ASTN1: variants seen among roughly 807,000 people sequenced by gnomAD.
The protein encoded by ASTN1 is astrotactin 1, also known as astrotactin-1.
Under a neutral mutation model 140.7 loss-of-function variants are expected in ASTN1, and 41 were observed. The observed-to-expected ratio is 0.29, with a 90% CI of 0.23 to 0.38. The LOEUF is 0.38. Among genes scored for constraint, ASTN1 ranks in the 10% least tolerant of loss-of-function variants. The pLI, the probability that ASTN1 is intolerant of heterozygous loss-of-function variation, is 1.00. For missense variants in ASTN1, 1,479 were observed against 1,678.8 expected, an observed-to-expected ratio of 0.88 and a Z score of 2.08; for synonymous variants, 640 against 652.2, an observed-to-expected ratio of 0.98 and a Z score of 0.29.
chr1:177,146,867 T>G (rs1682742396), intron 1 of ASTN1, among the ~76,000 whole-genome samples: 1 of 152,184 alleles, frequency 6.6e-6, no homozygotes, highest in African/African-American at 2.4e-5. Flanking sequence ...AAGTCAATAG[T>G]TCAGCCTGCA....
intron 1 of ASTN1, among the ~76,000 whole-genome samples, chr1:177,074,782 G>T (rs1571744941): frequency 1.3e-5 from 2 of 152,238 alleles, no homozygotes; most frequent in South Asian, 4.1e-4. Flanking sequence ...CTGATTTGTG[G>T]TATTCTCAGT....
chr1:176,899,487 G>A (rs1287111192), intron 16 of ASTN1, among the ~76,000 whole-genome samples: 1 of 152,190 alleles, frequency 6.6e-6, no homozygotes, highest in Non-Finnish European at 1.5e-5. Context: ...TGCTGCCCAA[G>A]GCAATGAGAT....
intron 2 of ASTN1, among the ~76,000 whole-genome samples, chr1:177,060,321 C>A (rs1399725473): frequency 6.6e-6 from 1 of 152,124 alleles, no homozygotes; most frequent in African/African-American, 2.4e-5. Context: ...ACCCACATGC[C>A]CTCTATTGTA....
intron 1 of ASTN1, among the ~76,000 whole-genome samples, chr1:177,109,429 C>T (rs891720302): frequency 6.6e-6 from 1 of 152,134 alleles, no homozygotes; most frequent in Admixed American, 6.5e-5. Context: ...CTTACACACA[C>T]ACACACATAC....
intron 8 of ASTN1, among the ~76,000 whole-genome samples, chr1:176,980,890 T>G (rs1218007741): frequency 6.6e-6 from 1 of 152,046 alleles, no homozygotes; most frequent in East Asian, 1.9e-4. Context: ...TACTGAGGGT[T>G]TATTATGCGC....
chr1:177,139,644 T>C (rs1682371280), intron 1 of ASTN1, among the ~76,000 whole-genome samples: 1 of 152,164 alleles, frequency 6.6e-6, no homozygotes, highest in East Asian at 1.9e-4. Context: ...ATTTATCTGA[T>C]AGTAAGTATT....
chr1:176,936,999 A>G (rs1422916179), intron 14 of ASTN1, among the ~76,000 whole-genome samples: 1 of 152,234 alleles, frequency 6.6e-6, no homozygotes, highest in East Asian at 1.9e-4. Flanking sequence ...CTTCAAAAAA[A>G]GATAAGGTCC....
chr1:177,043,247 C>T (rs1476632163), intron 2 of ASTN1, among the ~76,000 whole-genome samples: 1 of 152,098 alleles, frequency 6.6e-6, no homozygotes, highest in Non-Finnish European at 1.5e-5. Context: ...GGATGGGAGA[C>T]CTAAGAAGAA....
chr1:177,032,582 T>C lies in ASTN1; in HGVS notation c.739A>G (p.Thr247Ala), dbSNP rs1676497883. 2 of 1,614,068 alleles carry C rather than the reference T, an allele frequency of 1.2e-6. No homozygotes were observed. The highest frequency in any genetic ancestry group is 1.3e-5 in the African/African-American group (1 of 74,920). ...PILDGYEYDITDLRHHLQREC... is the reference protein window; with the variant it reads ...PILDGYEYDIADLRHHLQREC... ...CTCTGCAGATGGTGGCGCAGATCAG[T>C]GATGTCATACTCATAGCCGTCCAGG... is the stretch of plus-strand genomic sequence containing the variant. The change falls in exon 3 of 23, where the codon ACT (threonine) becomes GCT (alanine). Residue 247 changes from threonine (T) to alanine (A), a missense_variant. Around this residue, in one of 3 missense-constraint regions of ASTN1, gnomAD observed 729 missense variants for 860.4 expected, o/e 0.85. Coordinates refer to ENST00000361833, the MANE Select transcript of ASTN1 (RefSeq NM_004319.3).
chr1:177,073,507 T>C (rs1467729232), intron 1 of ASTN1, among the ~76,000 whole-genome samples: 2 of 150,550 alleles, frequency 1.3e-5, no homozygotes, highest in Non-Finnish European at 3.0e-5. Context: ...CTGGATCACA[T>C]TCCTCTCTTA....
intron 1 of ASTN1, 30 bp downstream of exon 1, chr1:177,164,364 C>A (rs770360279): frequency 3.2e-5 from 49 of 1,535,524 alleles, no homozygotes; most frequent in Non-Finnish European, 4.2e-5. Context: ...TCCAGCGCCT[C>A]CGGCCGCCTC....
At chr1:177,033,295 A>G (rs1174332909) in intron 2 of ASTN1, among the ~76,000 whole-genome samples, 1 of 152,140 alleles carries the variant, frequency 6.6e-6, no homozygotes, top group East Asian at 1.9e-4. Context: ...ACGTCTAAAC[A>G]TCAATCATAG....
intron 8 of ASTN1, among the ~76,000 whole-genome samples, chr1:177,001,504 A>T (rs1674726921): frequency 6.6e-6 from 1 of 152,234 alleles, no homozygotes; most frequent in African/African-American, 2.4e-5. Context: ...AGATACTATT[A>T]TTCTCATTTT....
chr1:177,111,907 T>C (rs182797172), intron 1 of ASTN1, among the ~76,000 whole-genome samples: 97 of 152,098 alleles, frequency 6.4e-4, no homozygotes, highest in African/African-American at 2.1e-3. Flanking sequence ...TCCACAGGGG[T>C]CGGCAACACT....
intron 5 of ASTN1, 63 bp downstream of exon 5, chr1:177,029,571 C>T: frequency 6.5e-7 from 1 of 1,532,980 alleles, no homozygotes; most frequent in Non-Finnish European, 9.0e-7. Flanking sequence ...CACCTCTTCG[C>T]CTTCCCCCGC....
chr1:176,926,762 T>C (rs1416907030), intron 16 of ASTN1, among the ~76,000 whole-genome samples: 2 of 152,236 alleles, frequency 1.3e-5, no homozygotes, highest in African/African-American at 2.4e-5. Flanking sequence ...CATAAAGCCG[T>C]ATAGAAATTT....
chr1:176,977,294 T>C (rs1673408095), intron 8 of ASTN1, among the ~76,000 whole-genome samples: 1 of 152,268 alleles, frequency 6.6e-6, no homozygotes, highest in Non-Finnish European at 1.5e-5. Flanking sequence ...CACTCATTCA[T>C]TTCTTCATTT....
At chr1:177,127,861 G>T (rs571941022) in intron 1 of ASTN1, among the ~76,000 whole-genome samples, 8 of 152,304 alleles carry the variant, frequency 5.3e-5, no homozygotes, top group Admixed American at 5.2e-4. Flanking sequence ...GATGCAAAAC[G>T]TAAATGTTTG....
chr1:177,110,526 C>A (rs1036085786), intron 1 of ASTN1, among the ~76,000 whole-genome samples: 31 of 152,118 alleles, frequency 2.0e-4, no homozygotes, highest in Admixed American at 1.8e-3. Context: ...ATTAGATTAT[C>A]CCCAGAAATG....
Sources: gnomAD v4.1 joint callset for allele counts (sites outside exome capture counted in the v4.1 genomes callset) on GRCh38, gnomAD v4.1.1 for gene constraint, gnomAD v4.1.1 regional missense constraint, MANE v1.5 for transcripts, NCBI Gene and HGNC (gene_info 2026-07-23, HGNC 2026-07-21) for gene names.